The following ADAMTS6 variants were observed in gnomAD, a reference collection of about 807,000 sequenced individuals.
The protein encoded by ADAMTS6 is A disintegrin and metalloproteinase with thrombospondin motifs 6.
A neutral mutation model predicts 144.3 loss-of-function variants in ADAMTS6; 23 were observed. The ratio of observed to expected loss-of-function variants is 0.16; its 90% CI spans 0.11 to 0.23. The LOEUF is 0.23. Among genes scored for constraint, ADAMTS6 ranks in the 10% least tolerant of loss-of-function variants. The pLI, the probability that ADAMTS6 is intolerant of heterozygous loss-of-function variation, is 1.00. For missense variants in ADAMTS6, 999 were observed against 1,379.6 expected (o/e 0.72, Z 4.37); for synonymous variants, 444 against 457.5 (o/e 0.97, Z 0.38).
intron 7 of ADAMTS6, among the ~76,000 whole-genome samples, chr5:65,434,421 C>T (rs186255815): frequency 2.0e-5 from 3 of 152,196 alleles, no homozygotes; most frequent in Admixed American, 2.0e-4. Context: ...ACAATTCACT[C>T]AGGCTAAATG....
At chr5:65,397,850 C>A (rs1561499986) in intron 7 of ADAMTS6, among the ~76,000 whole-genome samples, 1 of 148,104 alleles carries the variant, frequency 6.8e-6, no homozygotes, top group Non-Finnish European at 1.5e-5. Context: ...ACACTCCAGC[C>A]TCAGTGACAG....
intron 7 of ADAMTS6, among the ~76,000 whole-genome samples, chr5:65,426,213 ATTT>A (rs150746408): frequency 2.1e-5 from 3 of 140,202 alleles, no homozygotes; most frequent in African/African-American, 2.6e-5. Context: ...TGCCTGGCTA[ATTT>A]TTTTTTTTTT....
At chr5:65,251,020 A>G (rs1041441170) in intron 14 of ADAMTS6, 2 of 152,224 alleles carry the variant, frequency 1.3e-5, no homozygotes, top group African/African-American at 4.8e-5. Context: ...ATTCTGCATG[A>G]TAGTTTTAGG....
intron 9 of ADAMTS6, among the ~76,000 whole-genome samples, chr5:65,302,150 C>A (rs1235868056): frequency 2.2e-5 from 3 of 136,290 alleles, no homozygotes; most frequent in African/African-American, 2.7e-5. Flanking sequence ...TATATATTTA[C>A]ATATAATATA....
chr5:65,390,451 G>GA (rs1391585429), intron 7 of ADAMTS6, among the ~76,000 whole-genome samples: 1 of 152,218 alleles, frequency 6.6e-6, no homozygotes, highest in Non-Finnish European at 1.5e-5. Context: ...CTTCAGGACA[G>GA]AAGGGAGCTT....
chr5:65,457,857 G>T (rs1360289358), intron 4 of ADAMTS6, among the ~76,000 whole-genome samples: 4 of 149,642 alleles, frequency 2.7e-5, no homozygotes, highest in Admixed American at 6.7e-5. Context: ...CTCCCGAGTA[G>T]CTGGGACTAC....
chr5:65,179,047 GC>G (rs34576551), intron 22 of ADAMTS6, among the ~76,000 whole-genome samples: 45,608 of 151,924 alleles, frequency 0.3, 8,223 homozygotes, highest in Admixed American at 0.44. Flanking sequence ...AGGATGACAA[GC>G]CCTGCTCCAG....
At position 65,329,470 on chromosome 5, in the gene ADAMTS6, C is replaced by T. The variant is rs41268425; in HGVS notation, c.1131G>A (p.Val377=). 90 of 1,611,920 alleles carry T rather than the reference C, an allele frequency of 5.6e-5. No homozygotes were observed. In the African/African-American group the frequency reaches 8.4e-4, roughly 15 times the overall value. ...KPCGTLGLAS[V]AGMCEPERSC... ...TCCTTTCAGGCTCACACATTCCAGC[C>T]ACAGAGGCCAAGCCTGAATAAACAG... Residue 377 remains valine (V), a synonymous_variant, in exon 9 of 25, where the codon GTG becomes GTA. Coordinates refer to ENST00000381055, the MANE Select transcript of ADAMTS6 (RefSeq NM_197941.4).
At position 65,163,176 on chromosome 5, in the gene ADAMTS6, G is replaced by A. The variant is rs1752894700; in HGVS notation, c.3244+7441C>T. ...CCTCCCAACTCAACCCTCTGAAAGT[G>A]CTGAGATTACAGATGTGAGCCACCA... On this transcript the variant is annotated intron_variant, in intron 24 of 24. Transcript: ENST00000381055. Among the ~76,000 whole-genome samples, 3 of 152,002 alleles carry A rather than the reference G, an allele frequency of 2.0e-5. No individual in the cohort carries two copies. In the South Asian group the frequency reaches 6.2e-4, roughly 32 times the overall value.
At chr5:65,191,315 T>C (rs1180037796) in intron 21 of ADAMTS6, among the ~76,000 whole-genome samples, 10 of 152,128 alleles carry the variant, frequency 6.6e-5, no homozygotes, top group Admixed American at 5.9e-4. Flanking sequence ...GAGAAGGGAA[T>C]AAGAGAGACA....
intron 8 of ADAMTS6, among the ~76,000 whole-genome samples, chr5:65,332,395 T>C (rs1746850674): frequency 6.6e-6 from 1 of 151,222 alleles, no homozygotes; most frequent in Admixed American, 6.6e-5. Flanking sequence ...CAAATATAGA[T>C]ACACTAGAAA....
intron 3 of ADAMTS6, among the ~76,000 whole-genome samples, chr5:65,470,058 T>C (rs1041931088): frequency 6.6e-6 from 1 of 152,168 alleles, no homozygotes; most frequent in African/African-American, 2.4e-5. Flanking sequence ...AACCCTGTAG[T>C]CTTGAACCCA....
chr5:65,237,387 CAAA>C (rs371275883), intron 15 of ADAMTS6, among the ~76,000 whole-genome samples: 2 of 77,208 alleles, frequency 2.6e-5, no homozygotes, highest in Non-Finnish European at 2.6e-5. Flanking sequence ...GACCTTGTCT[CAAA>C]AAAAAAAAAA....
intron 9 of ADAMTS6, among the ~76,000 whole-genome samples, chr5:65,301,516 T>C (rs1439871685): frequency 1.3e-5 from 2 of 152,148 alleles, no homozygotes; most frequent in African/African-American, 4.8e-5. Context: ...CAGGGAAGAC[T>C]TGTAAGTAAG....
intron 3 of ADAMTS6, among the ~76,000 whole-genome samples, chr5:65,467,990 TA>T (rs56343848): frequency 0.046 from 6,937 of 152,216 alleles, 194 homozygotes; most frequent in Non-Finnish European, 0.068. Flanking sequence ...TGGAAAATAT[TA>T]AATCACTTGA....
chr5:65,271,237 A>C lies in ADAMTS6; in HGVS notation c.1620+2103T>G, dbSNP rs374499309. Reference sequence around the variant, plus strand: ...ACCCCATCTCTACTAAAAATACAAAAATTAGCTGGGCATGGTGGTATGTGC... The same window carrying C: ...ACCCCATCTCTACTAAAAATACAAACATTAGCTGGGCATGGTGGTATGTGC... On this transcript the variant is annotated intron_variant, in intron 12 of 24. Transcript: ENST00000381055. 2.0e-4 allele frequency among the ~76,000 whole-genome samples: 30 copies of C among 152,038 alleles called. No homozygotes were observed. In the Middle Eastern group the frequency reaches 0.027, roughly 139 times the overall value.
At chr5:65,317,453 T>A (rs9637768) in intron 9 of ADAMTS6, among the ~76,000 whole-genome samples, 7,136 of 152,216 alleles carry the variant, frequency 0.047, 212 homozygotes, top group East Asian at 0.11. Context: ...AATATGAAAT[T>A]ATTACAAGAA....
At chr5:65,225,188 C>T in intron 16 of ADAMTS6, 141 bp from the exon 17 acceptor site, 3 of 1,019,716 alleles carry the variant, frequency 2.9e-6, no homozygotes, top group Middle Eastern at 2.8e-4. Flanking sequence ...AAAAACCATA[C>T]TTGGGTCTTT....
intron 20 of ADAMTS6, among the ~76,000 whole-genome samples, chr5:65,206,986 A>G (rs1197367773): frequency 6.6e-6 from 1 of 152,156 alleles, no homozygotes. Context: ...TGTAAATGTA[A>G]AAGTAATGAT....
Sources: gnomAD v4.1 joint callset for allele counts (sites outside exome capture counted in the v4.1 genomes callset) on GRCh38, gnomAD v4.1.1 for gene constraint, MANE v1.5 for transcripts, NCBI Gene and HGNC (gene_info 2026-07-23, HGNC 2026-07-21) for gene names.